The following TMEM154 variants were observed in gnomAD, a reference collection of about 807,000 sequenced individuals.
TMEM154 encodes transmembrane protein 154.
Under a neutral mutation model 24.5 loss-of-function variants are expected in TMEM154, and 27 were observed. The observed-to-expected ratio is 1.10, with a 90% CI of 0.81 to 1.52. The LOEUF (loss-of-function observed/expected upper bound fraction) is 1.52. Among genes scored for constraint, TMEM154 ranks in the 40% most tolerant of loss-of-function variants. The probability of loss-of-function intolerance (pLI) is 0.00; values close to 1 mark genes in which losing one functional copy is unlikely to be tolerated. For missense variants in TMEM154, 228 were observed against 213.4 expected, an observed-to-expected ratio of 1.07 and a Z score of -0.43; for synonymous variants, 67 against 76.8, an observed-to-expected ratio of 0.87 and a Z score of 0.67.
intron 1 of TMEM154, among the ~76,000 whole-genome samples, chr4:152,676,071 T>C (rs1286578440): frequency 4.6e-5 from 7 of 152,200 alleles, no homozygotes; most frequent in Admixed American, 4.6e-4. Flanking sequence ...CCCTGAAGCC[T>C]CTTACCCAGT....
chr4:152,645,474 G>T (rs1236034303), intron 3 of TMEM154, among the ~76,000 whole-genome samples: 1 of 152,226 alleles, frequency 6.6e-6, no homozygotes, highest in Middle Eastern at 3.2e-3. Flanking sequence ...TGTCCCAGCT[G>T]AAGCCCTGTT....
chr4:152,621,511 T>TA lies in TMEM154; in HGVS notation c.*7034dup, dbSNP rs1751843367. ...AGTTCTAGTTAAAACAGGGAGGAAA[T>TA]AGACTCTGCATCAGTTTCTAGGGGT... is the stretch of plus-strand genomic sequence containing the variant. On this transcript the variant is annotated 3_prime_UTR_variant, in exon 7 of 7. Coordinates refer to ENST00000304385, the MANE Select transcript of TMEM154 (RefSeq NM_152680.3). 2.0e-5 allele frequency: 3 copies of TA among 152,158 alleles called. No individual in the cohort carries two copies. The highest frequency in any genetic ancestry group is 1.3e-4 in the Admixed American group (2 of 15,280). The allele number at this position is 152,158 out of a possible 1,614,324, so 9.4% of individuals were successfully genotyped here.
intron 1 of TMEM154, among the ~76,000 whole-genome samples, chr4:152,678,057 T>C (rs1728982944): frequency 6.6e-6 from 1 of 152,108 alleles, no homozygotes; most frequent in Non-Finnish European, 1.5e-5. Context: ...TTTAGTTTGA[T>C]ACTTTTAAGG....
chr4:152,676,012 A>C (rs2149792141), intron 1 of TMEM154, among the ~76,000 whole-genome samples: 1 of 152,294 alleles, frequency 6.6e-6, no homozygotes, highest in South Asian at 2.1e-4. Context: ...GGGCTCTCCC[A>C]CAGTGACTGC....
intron 3 of TMEM154, chr4:152,646,711 T>G (rs1001435355): frequency 4.2e-6 from 2 of 470,972 alleles, no homozygotes; most frequent in Non-Finnish European, 7.5e-6. Flanking sequence ...AGCCTGACAG[T>G]ACTCTCCTCT....
intron 6 of TMEM154, among the ~76,000 whole-genome samples, chr4:152,636,571 T>C (rs1752152710): frequency 6.6e-6 from 1 of 152,222 alleles, no homozygotes; most frequent in Admixed American, 6.5e-5. Context: ...ATCCATTCAA[T>C]GAGGACAGAG....
intron 3 of TMEM154, 65 bp from the exon 4 acceptor site, chr4:152,644,507 C>T (rs1390768206): frequency 5.9e-6 from 9 of 1,512,908 alleles, no homozygotes; most frequent in Non-Finnish European, 7.3e-6. Flanking sequence ...TTAATTTCAA[C>T]AACAGCTGAA....
rs1407682994 is a variant in TMEM154, at chr4:152,627,745, A to G, written c.*801T>C. The G allele has an allele frequency of 2.0e-5, 3 of 152,224 alleles. No homozygotes were observed. Among genetic ancestry groups the G allele is most frequent in the Non-Finnish European group, 4.4e-5 (3 of 68,030 alleles). 9.4% of individuals were successfully genotyped at this position (152,224 alleles called of 1,614,324 possible). On this transcript the variant is annotated 3_prime_UTR_variant, in exon 7 of 7. Transcript: ENST00000304385. ...CCACCTGCACATACTTCCTACCTAC[A>G]TGTCACATCCAAGGGAGGTATGGTG...
chr4:152,652,748 T>C lies in TMEM154; in HGVS notation c.244A>G (p.Ile82Val). ...NQLEFILMVL[I>V]PLILLVLLLL... ...AAGAGGACCAATAAAATCAATGGGA[T>C]TAACACCATCAGTATAAACTCTAAC... is the stretch of plus-strand genomic sequence containing the variant. The change falls in exon 2 of 7, where the codon ATC becomes GTC. Residue 82 changes from isoleucine to valine, a missense_variant. Physicochemically the swap from Ile to Val is conservative, Grantham distance 29 (BLOSUM62 3). Coordinates refer to ENST00000304385, the MANE Select transcript of TMEM154 (RefSeq NM_152680.3). 6.2e-7 allele frequency: 1 copy of C among 1,614,050 alleles called. No homozygotes were observed. Among genetic ancestry groups the C allele is most frequent in the Non-Finnish European group, 8.5e-7 (1 of 1,179,958 alleles).
At chr4:152,640,258 G>T (rs1366298686) in intron 6 of TMEM154, among the ~76,000 whole-genome samples, 1 of 152,096 alleles carries the variant, frequency 6.6e-6, no homozygotes, top group African/African-American at 2.4e-5. Context: ...TACCTCCAAG[G>T]TCACAGCAGA....
chr4:152,636,053 G>C (rs959456018), intron 6 of TMEM154, among the ~76,000 whole-genome samples: 3 of 152,186 alleles, frequency 2.0e-5, no homozygotes, highest in Non-Finnish European at 2.9e-5. Context: ...AATGCCTCCA[G>C]AAGAAGGAAG....
intron 1 of TMEM154, chr4:152,668,560 G>A (rs115989197): frequency 0.058 from 8,892 of 152,192 alleles, 365 homozygotes; most frequent in Non-Finnish European, 0.09. Context: ...GGGTACATGC[G>A]CATCCCACTC....
At chr4:152,636,373 G>A (rs536029836) in intron 6 of TMEM154, among the ~76,000 whole-genome samples, 7 of 152,290 alleles carry the variant, frequency 4.6e-5, no homozygotes, top group East Asian at 1.9e-4. Flanking sequence ...TATGAATCAC[G>A]GAAAAGATGC....
rs545480919 is a variant in TMEM154 at position 152,650,540 on chromosome 4, AC to A, written c.364+1997del. 1.3e-3 allele frequency among the ~76,000 whole-genome samples: 200 copies of A among 152,144 alleles called. 1 individual carries two copies. Among genetic ancestry groups the A allele is most frequent in the Non-Finnish European group, 2.1e-3 (144 of 67,988 alleles). On this transcript the variant is annotated intron_variant, in intron 3 of 6. Transcript: ENST00000304385. ...AGTGACCCCTCCACTCAAGTCTTGA[AC>A]CCCTCAAAGTCATTCATGGGTCTTG...
At position 152,622,305 on chromosome 4, in the gene TMEM154, T is replaced by C. The variant is rs1247138160; in HGVS notation, c.*6241A>G. 6.6e-6 allele frequency: 1 copy of C among 152,230 alleles called. No homozygotes were observed. The highest frequency in any genetic ancestry group is 1.5e-5 in the Non-Finnish European group (1 of 68,034). 9.4% of individuals were successfully genotyped at this position (152,230 alleles called of 1,614,324 possible). ...AGCAGGCCCCTTTTTGAATTGGTAT[T>C]GTTTCGTTTATTTAAAGAATTATAT... is the stretch of plus-strand genomic sequence containing the variant. On this transcript the variant is annotated 3_prime_UTR_variant, in exon 7 of 7. Transcript: ENST00000304385.
At chr4:152,658,989 C>T (rs771609708) in intron 1 of TMEM154, among the ~76,000 whole-genome samples, 1 of 152,120 alleles carries the variant, frequency 6.6e-6, no homozygotes, top group Non-Finnish European at 1.5e-5. Context: ...AACTACCATA[C>T]AATCCTCAAT....
chr4:152,675,956 G>T (rs1232479042), intron 1 of TMEM154, among the ~76,000 whole-genome samples: 13 of 152,074 alleles, frequency 8.5e-5, no homozygotes, highest in Non-Finnish European at 1.8e-4. Flanking sequence ...TCTGTTTTTT[G>T]GGGGAGTCCC....
chr4:152,647,901 G>A (rs1295130161), intron 3 of TMEM154, among the ~76,000 whole-genome samples: 1 of 152,182 alleles, frequency 6.6e-6, no homozygotes, highest in Non-Finnish European at 1.5e-5. Flanking sequence ...GCCAGGAAGT[G>A]CAAGCCAACC....
chr4:152,638,602 A>G (rs1752193511), intron 6 of TMEM154, among the ~76,000 whole-genome samples: 1 of 152,244 alleles, frequency 6.6e-6, no homozygotes, highest in Non-Finnish European at 1.5e-5. Context: ...TAATAATTAT[A>G]CTAGCAATAA....
Sources: gnomAD v4.1 joint callset for allele counts (sites outside exome capture counted in the v4.1 genomes callset) on GRCh38, gnomAD v4.1.1 for gene constraint, MANE v1.5 for transcripts, NCBI Gene and HGNC (gene_info 2026-07-23, HGNC 2026-07-21) for gene names.